The following TRHDE variants were observed in gnomAD, a reference collection of about 807,000 sequenced individuals.
The protein encoded by TRHDE is thyrotropin releasing hormone degrading enzyme.
A neutral mutation model predicts 125.7 loss-of-function variants in TRHDE; 72 were observed. The observed-to-expected ratio is 0.57, with a 90% CI of 0.47 to 0.70. The LOEUF (loss-of-function observed/expected upper bound fraction) is 0.70, where lower values mean the gene tolerates loss of function less well. Among genes scored for constraint, TRHDE ranks in the 30% least tolerant of loss-of-function variants. The pLI is 0.00. For synonymous variants in TRHDE, 509 were observed against 509.1 expected, an observed-to-expected ratio of 1.00 and a Z score of 0.00; for missense variants, 1,110 against 1,327.1, an observed-to-expected ratio of 0.84 and a Z score of 2.54.
intron 1 of TRHDE, among the ~76,000 whole-genome samples, chr12:72,094,624 C>T (rs1592437832): frequency 6.6e-6 from 1 of 152,358 alleles, no homozygotes; most frequent in East Asian, 1.9e-4. Context: ...AGGACCACTT[C>T]AGGGTCCTAG....
chr12:72,349,411 A>T (rs1013474479), intron 2 of TRHDE, among the ~76,000 whole-genome samples: 29 of 152,010 alleles, frequency 1.9e-4, no homozygotes, highest in Non-Finnish European at 1.0e-4. Context: ...TATCAGAGGG[A>T]CTTTATTTGA....
At chr12:72,553,964 C>G (rs565269419) in intron 7 of TRHDE, among the ~76,000 whole-genome samples, 1 of 151,652 alleles carries the variant, frequency 6.6e-6, no homozygotes, top group African/African-American at 2.4e-5. Context: ...TCTCCTGCCT[C>G]AGCCTCCTGA....
chr12:72,417,103 G>C (rs1367829682), intron 3 of TRHDE, among the ~76,000 whole-genome samples: 1 of 151,710 alleles, frequency 6.6e-6, no homozygotes, highest in African/African-American at 2.4e-5. Flanking sequence ...GTTAATTCCT[G>C]GGTATTTCAT....
intron 2 of TRHDE, chr12:72,163,226 A>C (rs367967633): frequency 3.3e-5 from 5 of 152,236 alleles, no homozygotes; most frequent in Non-Finnish European, 1.5e-5. Context: ...ATATATATGC[A>C]TACCCTTGAA....
At chr12:72,404,062 T>C (rs1410304798) in intron 3 of TRHDE, among the ~76,000 whole-genome samples, 3 of 152,148 alleles carry the variant, frequency 2.0e-5, no homozygotes, top group South Asian at 2.1e-4. Context: ...GAGTACTCAG[T>C]ATGTTGTACT....
chr12:72,361,059 T>G (rs1871052196), intron 2 of TRHDE, among the ~76,000 whole-genome samples: 1 of 151,846 alleles, frequency 6.6e-6, no homozygotes, highest in Non-Finnish European at 1.5e-5. Context: ...GGCTCCCACT[T>G]ATAAGTGAGA....
intron 2 of TRHDE, among the ~76,000 whole-genome samples, chr12:72,289,052 G>C (rs1879994275): frequency 1.3e-5 from 2 of 152,068 alleles, no homozygotes; most frequent in Admixed American, 1.3e-4. Flanking sequence ...AATCCAATCT[G>C]TTTTCTTTTC....
chr12:72,498,935 G>A (rs769679937), intron 5 of TRHDE, among the ~76,000 whole-genome samples: 1 of 150,972 alleles, frequency 6.6e-6, no homozygotes, highest in African/African-American at 2.4e-5. Context: ...TACTAGTTGT[G>A]GTCTCTTGAA....
intron 2 of TRHDE, among the ~76,000 whole-genome samples, chr12:72,204,600 C>T (rs1877627260): frequency 6.6e-6 from 1 of 152,142 alleles, no homozygotes; most frequent in Non-Finnish European, 1.5e-5. Flanking sequence ...GCATCTCAAA[C>T]ATGTCCAAAT....
chr12:72,309,713 G>T (rs1358654159), intron 2 of TRHDE: 1 of 151,458 alleles, frequency 6.6e-6, no homozygotes, highest in Non-Finnish European at 1.5e-5. Flanking sequence ...GCTCTTTGTG[G>T]CCAGGATGTA....
chr12:72,211,722 A>G (rs1368380653), intron 2 of TRHDE, among the ~76,000 whole-genome samples: 1 of 152,208 alleles, frequency 6.6e-6, no homozygotes, highest in Admixed American at 6.5e-5. Context: ...TTAATAATCT[A>G]ATGTGATAAG....
intron 3 of TRHDE, among the ~76,000 whole-genome samples, chr12:72,422,189 A>G (rs1324855524): frequency 6.6e-6 from 1 of 152,152 alleles, no homozygotes; most frequent in Admixed American, 6.6e-5. Flanking sequence ...TATGGTTCTT[A>G]GAACAGTGAC....
At chr12:72,487,592 A>G (rs1032246299) in intron 5 of TRHDE, among the ~76,000 whole-genome samples, 1 of 152,146 alleles carries the variant, frequency 6.6e-6, no homozygotes, top group Non-Finnish European at 1.5e-5. Flanking sequence ...CAGACAAGCA[A>G]AAGCTAAATG....
intron 2 of TRHDE, among the ~76,000 whole-genome samples, chr12:72,297,732 C>G (rs1201068547): frequency 6.6e-6 from 1 of 152,196 alleles, no homozygotes; most frequent in Non-Finnish European, 1.5e-5. Flanking sequence ...TCATCCTTCT[C>G]TCTGCCTCTG....
chr12:72,583,923 C>CTTTTTTTT (rs1190363456), intron 12 of TRHDE, among the ~76,000 whole-genome samples: 1 of 60,486 alleles, frequency 1.7e-5, no homozygotes, highest in Non-Finnish European at 2.4e-5. Flanking sequence ...GGATGACAAA[C>CTTTTTTTT]TTTTTTTTTT....
At chr12:72,546,007 G>A (rs565001920) in intron 7 of TRHDE, among the ~76,000 whole-genome samples, 12 of 151,672 alleles carry the variant, frequency 7.9e-5, no homozygotes, top group Admixed American at 2.6e-4. Context: ...GATGAGTGAC[G>A]TTACAGGGAA....
chr12:72,202,830 A>G (rs1433613067), intron 2 of TRHDE, among the ~76,000 whole-genome samples: 1 of 152,096 alleles, frequency 6.6e-6, no homozygotes, highest in Non-Finnish European at 1.5e-5. Context: ...AGAATCTTTT[A>G]TTCTAATAAA....
rs375648157 is a variant in TRHDE at position 72,238,338 on chromosome 12, AT to A, written n.279+132588del. On this transcript the variant is annotated intron_variant and non_coding_transcript_variant, in intron 2 of 4. Coordinates refer to the TRHDE transcript ENST00000548156. ...TATATATATACATATATATATACAC[AT>A]TATATATATATATATATATATATAC... Among the ~76,000 whole-genome samples, 136 of 18,592 alleles carry A rather than the reference AT, an allele frequency of 7.3e-3. 23 individuals are homozygous for A. Among genetic ancestry groups the A allele is most frequent in the African/African-American group, 0.016 (88 of 5,636 alleles). 12.2% of individuals were successfully genotyped at this position (18,592 alleles called of 152,430 possible).
chr12:72,643,792 GAATA>G (rs1874166115), intron 15 of TRHDE, among the ~76,000 whole-genome samples: 1 of 152,088 alleles, frequency 6.6e-6, no homozygotes. Flanking sequence ...TGAACAGAAT[GAATA>G]CTTATTGTCA....
Sources: allele counts gnomAD v4.1 joint callset (sites outside exome capture counted in the v4.1 genomes callset), GRCh38; gene constraint gnomAD v4.1.1; transcripts MANE v1.5; gene names NCBI Gene and HGNC (gene_info 2026-07-23, HGNC 2026-07-21).